LRP1B: variants seen among roughly 807,000 people sequenced by gnomAD.
The protein encoded by LRP1B is LDL receptor related protein 1B, also known as low-density lipoprotein receptor-related protein 1B.
A neutral mutation model predicts 556.6 loss-of-function variants in LRP1B; 217 were observed. The observed-to-expected ratio is 0.39, with a 90% CI of 0.35 to 0.44. The LOEUF is 0.44. Ranked by LOEUF, LRP1B falls within the 20% of genes least tolerant of loss-of-function variation. The pLI is 1.00. For missense variants in LRP1B, 5,053 were observed against 5,620.8 expected, an observed-to-expected ratio of 0.90 and a Z score of 3.23; for synonymous variants, 2,047 against 1,865.8, an observed-to-expected ratio of 1.10 and a Z score of -2.50.
At chr2:141,895,048 C>CAAAAAAAAAAAAAAA (rs369108197) in intron 1 of LRP1B, among the ~76,000 whole-genome samples, 15 of 78,456 alleles carry the variant, frequency 1.9e-4, no homozygotes, top group East Asian at 6.6e-4. Flanking sequence ...AACTCCATCT[C>CAAAAAAAAAAAAAAA]AAAAAAAAAA....
intron 2 of LRP1B, among the ~76,000 whole-genome samples, chr2:141,650,633 C>A (rs77658317): frequency 6.6e-6 from 1 of 152,110 alleles, no homozygotes; most frequent in East Asian, 1.9e-4. Flanking sequence ...TCCTCTGACT[C>A]GGAAATTAAT....
At chr2:142,125,540 A>AT (rs1251847743) in intron 1 of LRP1B, among the ~76,000 whole-genome samples, 2 of 151,864 alleles carry the variant, frequency 1.3e-5, no homozygotes, top group Non-Finnish European at 1.5e-5. Flanking sequence ...AGATATTTTC[A>AT]TTTTTTGTCT....
At chr2:141,929,964 C>G (rs1700446752) in intron 1 of LRP1B, among the ~76,000 whole-genome samples, 1 of 143,658 alleles carries the variant, frequency 7.0e-6, no homozygotes, top group Non-Finnish European at 1.5e-5. Context: ...ACAAGAATCC[C>G]AGATAGGGAT....
chr2:141,618,645 G>A (rs1177835311), intron 2 of LRP1B, among the ~76,000 whole-genome samples: 1 of 152,120 alleles, frequency 6.6e-6, no homozygotes, highest in Non-Finnish European at 1.5e-5. Context: ...CACTACAATA[G>A]TCTATCAGTA....
intron 82 of LRP1B, among the ~76,000 whole-genome samples, chr2:140,317,040 C>T (rs1684556328): frequency 6.6e-6 from 1 of 151,988 alleles, no homozygotes; most frequent in African/African-American, 2.4e-5. Context: ...TCTAGGCAGA[C>T]CTATGGGTGA....
intron 41 of LRP1B, among the ~76,000 whole-genome samples, chr2:140,650,336 T>A (rs1207307819): frequency 6.8e-6 from 1 of 148,116 alleles, no homozygotes; most frequent in Non-Finnish European, 1.5e-5. Context: ...TTTATTTATT[T>A]ATTTATTTAT....
intron 1 of LRP1B, among the ~76,000 whole-genome samples, chr2:141,832,635 T>C (rs1212583177): frequency 6.6e-6 from 1 of 151,776 alleles, no homozygotes; most frequent in African/African-American, 2.4e-5. Flanking sequence ...TCTAATGCTG[T>C]GGAAAAGAAT....
At chr2:140,385,635 T>C (rs1257706938) in intron 67 of LRP1B, among the ~76,000 whole-genome samples, 2 of 152,180 alleles carry the variant, frequency 1.3e-5, no homozygotes, top group Non-Finnish European at 2.9e-5. Context: ...TGCATACTAA[T>C]GGGTTGCATT....
chr2:140,824,615 A>G (rs577248238), intron 31 of LRP1B, among the ~76,000 whole-genome samples: 1 of 152,238 alleles, frequency 6.6e-6, no homozygotes, highest in South Asian at 2.1e-4. Context: ...GTACTTACAT[A>G]GCAACCCAGG....
At chr2:140,938,957 A>T (rs1031223132) in intron 20 of LRP1B, among the ~76,000 whole-genome samples, 8 of 152,130 alleles carry the variant, frequency 5.3e-5, no homozygotes, top group Non-Finnish European at 7.4e-5. Context: ...GTTTTATTTT[A>T]TTGAATCCTG....
chr2:140,789,960 T>C (rs916174974), intron 32 of LRP1B, among the ~76,000 whole-genome samples: 1 of 152,008 alleles, frequency 6.6e-6, no homozygotes, highest in Non-Finnish European at 1.5e-5. Flanking sequence ...TTCATCTGCT[T>C]GGTAAGCTCT....
At chr2:141,307,900 G>A (rs747300072) in intron 3 of LRP1B, among the ~76,000 whole-genome samples, 2 of 152,200 alleles carry the variant, frequency 1.3e-5, no homozygotes, top group Non-Finnish European at 2.9e-5. Context: ...GGTGATGGCA[G>A]TACCAGTGGC....
intron 11 of LRP1B, among the ~76,000 whole-genome samples, chr2:141,041,721 A>G (rs1698705802): frequency 6.6e-6 from 1 of 152,134 alleles, no homozygotes; most frequent in Non-Finnish European, 1.5e-5. Flanking sequence ...TCAAAACATT[A>G]CAAAGAAGAT....
At chr2:141,773,433 C>T (rs1202177433) in intron 2 of LRP1B, among the ~76,000 whole-genome samples, 1 of 152,186 alleles carries the variant, frequency 6.6e-6, no homozygotes, top group Admixed American at 6.5e-5. Flanking sequence ...GTACGGTTTC[C>T]TGCAAGAAAA....
At chr2:141,121,747 A>G (rs1701055200) in intron 7 of LRP1B, among the ~76,000 whole-genome samples, 1 of 151,546 alleles carries the variant, frequency 6.6e-6, no homozygotes, top group Non-Finnish European at 1.5e-5. Context: ...TGGGAAAAAA[A>G]CTACTTTAAA....
At chr2:141,291,088 A>C (rs1685927547) in intron 3 of LRP1B, among the ~76,000 whole-genome samples, 1 of 152,188 alleles carries the variant, frequency 6.6e-6, no homozygotes, top group Admixed American at 6.5e-5. Context: ...AAATAAAAGA[A>C]AGGAGAAACA....
At chr2:141,872,112 G>A (rs1236772485) in intron 1 of LRP1B, among the ~76,000 whole-genome samples, 1 of 151,774 alleles carries the variant, frequency 6.6e-6, no homozygotes, top group Non-Finnish European at 1.5e-5. Context: ...GAGCTTGGAA[G>A]GACACAAGAC....
chr2:141,544,343 C>CTTCTTCTTCTTCTTCTTCTTCTTCTT lies in LRP1B; in HGVS notation c.206-63836_206-63811dup, dbSNP rs1685440496. Among the ~76,000 whole-genome samples the CTTCTTCTTCTTCTTCTTCTTCTTCTT allele has an allele frequency of 2.8e-4, 23 of 83,514 alleles. 3 individuals are homozygous for CTTCTTCTTCTTCTTCTTCTTCTTCTT. The highest frequency in any genetic ancestry group is 9.7e-4 in the African/African-American group (21 of 21,620). The allele number at this position is 83,514 out of a possible 152,430, so 54.8% of individuals were successfully genotyped here. A position where few individuals can be genotyped will look rare whatever the true frequency, so the allele number is the denominator to read the frequency against. On this transcript the variant is annotated intron_variant, in intron 2 of 90. Coordinates refer to ENST00000389484, the MANE Select transcript of LRP1B (RefSeq NM_018557.3). ...TCTTCTTCTTCTTCTTCTTCTTCTTCTTCTTCTTCTTCTTCTTCTTCTTCT... is the reference window on the plus strand; with the variant it reads ...TCTTCTTCTTCTTCTTCTTCTTCTTCTTCTTCTTCTTCTTCTTCTTCTTCTTTTCTTCTTCTTCTTCTTCTTCTTCT...
chr2:141,036,236 TA>T (rs199732961), intron 11 of LRP1B, among the ~76,000 whole-genome samples: 5 of 150,934 alleles, frequency 3.3e-5, no homozygotes, highest in Admixed American at 6.6e-5. Context: ...AATAGCAGAT[TA>T]AAAAAAAAGC....
Sources: allele counts gnomAD v4.1 joint callset (sites outside exome capture counted in the v4.1 genomes callset), GRCh38; gene constraint gnomAD v4.1.1; transcripts MANE v1.5; gene names NCBI Gene and HGNC (gene_info 2026-07-23, HGNC 2026-07-21).